The following MIS18A variants were observed in gnomAD, a reference collection of about 807,000 sequenced individuals.
MIS18A encodes MIS18 kinetochore protein A.
In MIS18A, 14 loss-of-function variants were observed where a neutral mutation model predicts 25.0. That is an observed-to-expected ratio of 0.56 (90% CI 0.37 to 0.88). The LOEUF (loss-of-function observed/expected upper bound fraction) is 0.88, where lower values mean the gene tolerates loss of function less well. Among genes scored for constraint, MIS18A ranks in the 40% least tolerant of loss-of-function variants. MIS18A has a pLI of 0.00. For synonymous variants in MIS18A, 134 were observed against 118.6 expected, an observed-to-expected ratio of 1.13 and a Z score of -0.84; for missense variants, 292 against 290.8, an observed-to-expected ratio of 1.00 and a Z score of -0.03.
At chr21:32,251,022 C>T in the MIS18A span, among the ~76,000 whole-genome samples, 1 of 152,130 alleles carries the variant, frequency 6.6e-6, no homozygotes, top group Admixed American at 6.5e-5. Context: ...AATGGGCTTC[C>T]CCTTTTGCTT....
At chr21:32,273,277 A>G (rs1049321384) in intron 2 of MIS18A, among the ~76,000 whole-genome samples, 4 of 152,122 alleles carry the variant, frequency 2.6e-5, no homozygotes, top group Non-Finnish European at 5.9e-5. Context: ...TGGAGGTTTT[A>G]TAACACAGGC....
At chr21:32,175,547 C>A in the MIS18A span, among the ~76,000 whole-genome samples, 83 of 150,422 alleles carry the variant, frequency 5.5e-4, 1 homozygote, top group African/African-American at 2.0e-3. Context: ...CAATGGCTCA[C>A]TCCTGTAATC....
In MIS18A at chr21:32,268,467, T is replaced by C. The variant is rs1486596102; in HGVS notation, c.*570A>G. The C allele has an allele frequency of 1.3e-5, 2 of 152,238 alleles. No individual in the cohort carries two copies. The highest frequency in any genetic ancestry group is 2.9e-5 in the Non-Finnish European group (2 of 68,066). 9.4% of individuals were successfully genotyped at this position (152,238 alleles called of 1,614,324 possible). ...CAAGTTTTCAAATGGTTCTGACAGA[T>C]CATTCTGACCAATTTCTCCAGGGAA... On this transcript the variant is annotated 3_prime_UTR_variant, in exon 5 of 5. Coordinates refer to ENST00000290130, the MANE Select transcript of MIS18A (RefSeq NM_018944.3).
chr21:32,203,496 T>TA, the MIS18A span, among the ~76,000 whole-genome samples: 223 of 128,804 alleles, frequency 1.7e-3, 2 homozygotes, highest in African/African-American at 4.5e-3. Flanking sequence ...CTTGGGAGCT[T>TA]AAAAAAAAAA....
chr21:32,205,492 T>C, the MIS18A span, among the ~76,000 whole-genome samples: 5 of 152,192 alleles, frequency 3.3e-5, no homozygotes, highest in South Asian at 8.3e-4. Flanking sequence ...TTTTCATTTT[T>C]CCCCCACCCC....
chr21:32,237,355 T>A, the MIS18A span, among the ~76,000 whole-genome samples: 1 of 152,192 alleles, frequency 6.6e-6, no homozygotes, highest in Non-Finnish European at 1.5e-5. Context: ...ACAGCATAAC[T>A]CAGCCTGGCC....
chr21:32,245,931 C>T, the MIS18A span, among the ~76,000 whole-genome samples: 165 of 152,204 alleles, frequency 1.1e-3, no homozygotes, highest in African/African-American at 3.8e-3. Context: ...GTTCTGCAGG[C>T]TGTACAGGAA....
chr21:32,157,031 C>T, the MIS18A span, among the ~76,000 whole-genome samples: 149,938 of 149,942 alleles, frequency 1, 74,967 homozygotes, highest in Middle Eastern at 1. Context: ...GATTGCATTT[C>T]CTTTCTTTTC....
At chr21:32,172,683 A>G in the MIS18A span, among the ~76,000 whole-genome samples, 1 of 152,084 alleles carries the variant, frequency 6.6e-6, no homozygotes, top group Non-Finnish European at 1.5e-5. Flanking sequence ...ATCTTTAAAA[A>G]GAACAAAGTT....
At chr21:32,214,462 T>TA in the MIS18A span, among the ~76,000 whole-genome samples, 44,697 of 152,012 alleles carry the variant, frequency 0.29, 6,771 homozygotes, top group African/African-American at 0.36. Context: ...CTTTTATACA[T>TA]ATGTATGGTT....
chr21:32,254,531 CA>C, the MIS18A span, among the ~76,000 whole-genome samples: 132 of 135,646 alleles, frequency 9.7e-4, no homozygotes, highest in Non-Finnish European at 9.5e-4. Context: ...AACTCGGTCT[CA>C]AAAAAAAAAA....
chr21:32,181,357 G>A, the MIS18A span, among the ~76,000 whole-genome samples: 7 of 152,150 alleles, frequency 4.6e-5, no homozygotes, highest in African/African-American at 1.7e-4. Flanking sequence ...ATAATCGCAT[G>A]AGCCAATGAC....
the MIS18A span, among the ~76,000 whole-genome samples, chr21:32,262,417 T>G: frequency 6.6e-6 from 1 of 152,256 alleles, no homozygotes; most frequent in Non-Finnish European, 1.5e-5. Context: ...ACACACGTTT[T>G]ACTTTCTCAA....
chr21:32,270,528 C>G lies in MIS18A; in HGVS notation c.403G>C (p.Val135Leu), dbSNP rs573480187. The G allele has an allele frequency of 6.5e-7, 1 of 1,547,526 alleles. No homozygotes were observed. The highest frequency in any genetic ancestry group is 8.7e-7 in the Non-Finnish European group (1 of 1,149,710). Residue 135 changes from valine (V) to leucine (L), a missense_variant and splice_region_variant, in exon 3 of 5, where the codon GTC becomes CTC. Coordinates refer to ENST00000290130, the MANE Select transcript of MIS18A (RefSeq NM_018944.3). Reference sequence around the variant, plus strand: ...CCCGCGCAGCACAAAGTCTCAAGGACGCTGCAATAAAGAAATGTCTTGCTT... The same window carrying G: ...CCCGCGCAGCACAAAGTCTCAAGGAGGCTGCAATAAAGAAATGTCTTGCTT... ...LSKREKENGC[V>L]LETLCCAGCS...
At chr21:32,251,804 C>G in the MIS18A span, among the ~76,000 whole-genome samples, 1 of 152,162 alleles carries the variant, frequency 6.6e-6, no homozygotes, top group Non-Finnish European at 1.5e-5. Flanking sequence ...TCTAAGAGCA[C>G]AGGGTAATGT....
the MIS18A span, among the ~76,000 whole-genome samples, chr21:32,249,390 T>G: frequency 6.6e-6 from 1 of 152,130 alleles, no homozygotes; most frequent in African/African-American, 2.4e-5. Context: ...ACAGCACAGG[T>G]GCAGTGAGCA....
At chr21:32,178,687 A>G in the MIS18A span, among the ~76,000 whole-genome samples, 1 of 151,990 alleles carries the variant, frequency 6.6e-6, no homozygotes, top group South Asian at 2.1e-4. Context: ...AGTACAAGGT[A>G]CTCTTTCCTT....
the MIS18A span, among the ~76,000 whole-genome samples, chr21:32,168,515 C>A: frequency 6.6e-6 from 1 of 152,030 alleles, no homozygotes; most frequent in African/African-American, 2.4e-5. Flanking sequence ...ATTGCTGAAA[C>A]TAAATTTTAT....
chr21:32,216,173 TG>T, the MIS18A span, among the ~76,000 whole-genome samples: 1 of 152,186 alleles, frequency 6.6e-6, no homozygotes, highest in African/African-American at 2.4e-5. Context: ...GGCTGAATCT[TG>T]GTAAAAAAAT....
Sources: gnomAD v4.1 joint callset for allele counts (sites outside exome capture counted in the v4.1 genomes callset) on GRCh38, gnomAD v4.1.1 for gene constraint, MANE v1.5 for transcripts, NCBI Gene and HGNC (gene_info 2026-07-23, HGNC 2026-07-21) for gene names.